The following PDE9A variants were observed in gnomAD, a reference collection of about 807,000 sequenced individuals.
PDE9A encodes high affinity cGMP-specific 3',5'-cyclic phosphodiesterase 9A.
A neutral mutation model predicts 87.4 loss-of-function variants in PDE9A; 60 were observed. The observed-to-expected ratio is 0.69, with a 90% CI of 0.56 to 0.85. PDE9A has a LOEUF of 0.85. Among genes scored for constraint, PDE9A ranks in the 40% least tolerant of loss-of-function variants. The pLI is 0.00. For synonymous variants in PDE9A, 272 were observed against 279.4 expected, an observed-to-expected ratio of 0.97 and a Z score of 0.27; for missense variants, 665 against 779.0, an observed-to-expected ratio of 0.85 and a Z score of 1.74.
At chr21:42,689,654 C>A (rs2059681155) in intron 3 of PDE9A, 10 of 985,454 alleles carry the variant, frequency 1.0e-5, no homozygotes, top group Non-Finnish European at 1.2e-5. Flanking sequence ...AGAAGCCCAC[C>A]TTGACCCTTC....
intron 1 of PDE9A, among the ~76,000 whole-genome samples, chr21:42,661,277 C>T (rs990442144): frequency 2.0e-5 from 3 of 152,068 alleles, no homozygotes; most frequent in Non-Finnish European, 4.4e-5. Context: ...GATCCGCCCG[C>T]CTCAGCCTCC....
chr21:42,672,799 C>G (rs141022344), intron 1 of PDE9A, among the ~76,000 whole-genome samples: 1 of 152,222 alleles, frequency 6.6e-6, no homozygotes, highest in Non-Finnish European at 1.5e-5. Flanking sequence ...ACTGTGGACA[C>G]AGTTGGATGT....
intron 3 of PDE9A, among the ~76,000 whole-genome samples, chr21:42,690,359 CGGATCTAGACAGCGATGTGGAAAT>C (rs961278818): frequency 1.1e-4 from 16 of 151,370 alleles, no homozygotes; most frequent in African/African-American, 1.9e-4. Flanking sequence ...GATGCGGAAA[CGGATCTAGACAGCGATGTGGAAAT>C]GGATCTAGAC....
intron 7 of PDE9A, among the ~76,000 whole-genome samples, chr21:42,735,490 G>A (rs1478979161): frequency 6.6e-6 from 1 of 152,212 alleles, no homozygotes; most frequent in African/African-American, 2.4e-5. Flanking sequence ...CAAGGCATGA[G>A]CATGACTGGC....
intron 3 of PDE9A, chr21:42,689,438 T>C: frequency 1.6e-6 from 1 of 643,212 alleles, no homozygotes; most frequent in Non-Finnish European, 1.9e-6. Flanking sequence ...CAGCACCAGC[T>C]CCAGCCTGGG....
intron 1 of PDE9A, among the ~76,000 whole-genome samples, chr21:42,678,391 G>T (rs1463344891): frequency 6.6e-6 from 1 of 152,180 alleles, no homozygotes; most frequent in Non-Finnish European, 1.5e-5. Flanking sequence ...TCTATCTGGA[G>T]CCCAAATAAA....
intron 9 of PDE9A, 124 bp from the exon 10 acceptor site, chr21:42,753,866 A>C: frequency 1.9e-6 from 1 of 536,100 alleles, no homozygotes; most frequent in Non-Finnish European, 3.3e-6. Context: ...TATCTCAAAA[A>C]AAAAAAAAAA....
In PDE9A at chr21:42,663,113, TCA is replaced by T. The variant is rs947687241; in HGVS notation, c.69+9237_69+9238del. On this transcript the variant is annotated intron_variant, in intron 1 of 19. Transcript: ENST00000291539. ...AGAATGCACACCACATACACGCACA[TCA>T]CACACATGCACACACCACACATGCA... Among the ~76,000 whole-genome samples the T allele has an allele frequency of 3.4e-4, 44 of 128,484 alleles. 2 individuals carry two copies. The East Asian group carries it at 3.4e-3, about 10-fold the overall frequency. The allele number at this position is 128,484 out of a possible 152,430, so 84.3% of individuals were successfully genotyped here. A position where few individuals can be genotyped will look rare whatever the true frequency, so the allele number is the denominator to read the frequency against.
chr21:42,733,209 G>C, intron 6 of PDE9A, 147 bp from the exon 7 acceptor site: 1 of 619,434 alleles, frequency 1.6e-6, no homozygotes, highest in Non-Finnish European at 2.9e-6. Context: ...GCAAGTCCTA[G>C]CATGTTGGCA....
chr21:42,744,539 G>A (rs1169601030), intron 8 of PDE9A, among the ~76,000 whole-genome samples: 1 of 152,142 alleles, frequency 6.6e-6, no homozygotes, highest in African/African-American at 2.4e-5. Flanking sequence ...TTGCCCCCAG[G>A]GACCCGGTTC....
At chr21:42,752,931 T>C (rs1261198040) in intron 9 of PDE9A, among the ~76,000 whole-genome samples, 1 of 152,238 alleles carries the variant, frequency 6.6e-6, no homozygotes. Flanking sequence ...GACAGGAGCA[T>C]CTCAGAATAA....
chr21:42,772,576 G>T (rs370246503), intron 19 of PDE9A, 56 bp downstream of exon 19: 37 of 1,219,482 alleles, frequency 3.0e-5, no homozygotes, highest in Non-Finnish European at 4.3e-5. Flanking sequence ...TCTGACAAAG[G>T]ACAGAAGGAA....
intron 4 of PDE9A, among the ~76,000 whole-genome samples, chr21:42,726,618 ATATATAT>A (rs2051106525): frequency 7.4e-4 from 17 of 23,046 alleles, no homozygotes; most frequent in Admixed American, 4.1e-3. Flanking sequence ...ATATATATAT[ATATATAT>A]TTTTTTTTTT....
At chr21:42,721,191 G>A (rs1260709171) in intron 4 of PDE9A, among the ~76,000 whole-genome samples, 1 of 152,144 alleles carries the variant, frequency 6.6e-6, no homozygotes, top group Non-Finnish European at 1.5e-5. Flanking sequence ...TAATCCTAAG[G>A]AAGAGAGGAG....
At chr21:42,680,175 G>A (rs1045276219) in intron 1 of PDE9A, among the ~76,000 whole-genome samples, 3 of 152,218 alleles carry the variant, frequency 2.0e-5, no homozygotes, top group African/African-American at 7.2e-5. Flanking sequence ...ACCTCTCAGG[G>A]TCCCAGTGTG....
chr21:42,762,117 C>T lies in PDE9A; in HGVS notation c.1120C>T (p.Arg374Cys), dbSNP rs377204997. The change falls in exon 14 of 20, where the codon CGC becomes TGC. Residue 374 changes from arginine (R) to cysteine (C), a missense_variant. By Grantham distance (180) the Arg-to-Cys change is radical. Coordinates refer to ENST00000291539, the MANE Select transcript of PDE9A (RefSeq NM_002606.3). ...CAATGCCCGCACAGAGCTGGCGGTC[C>T]GCTACAATGACATCTCACCGCTGGA... is the stretch of plus-strand genomic sequence containing the variant. ...QINARTELAV[R>C]YNDISPLENH... 79 of 1,613,966 alleles carry T rather than the reference C, an allele frequency of 4.9e-5. No individual in the cohort carries two copies. The highest frequency in any genetic ancestry group is 6.1e-5 in the Non-Finnish European group (72 of 1,179,978).
At chr21:42,669,606 G>A (rs959633348) in intron 1 of PDE9A, among the ~76,000 whole-genome samples, 1 of 152,156 alleles carries the variant, frequency 6.6e-6, no homozygotes, top group Non-Finnish European at 1.5e-5. Flanking sequence ...CCCACTTGGC[G>A]GTTCATCTGG....
Position 42,768,282 on chromosome 21 carries a change from AT to A in PDE9A, c.1455del (p.Phe485LeufsTer23). 6.3e-7 allele frequency: 1 copy of A among 1,582,248 alleles called. No homozygotes were observed. The highest frequency in any genetic ancestry group is 8.7e-7 in the Non-Finnish European group (1 of 1,150,958). ...TGGGTGGACTGTTTATTAGAGGAATATTTTATGCAGGTAAGAGTCTTGCAGA... is the reference window on the plus strand; with the variant it reads ...TGGGTGGACTGTTTATTAGAGGAATATTTATGCAGGTAAGAGTCTTGCAGA... ...EPWVDCLLEE[Y>X]FMQSDREKSE... On this transcript the variant is annotated frameshift_variant, in exon 16 of 20. Transcript: ENST00000291539. LOFTEE classifies it high-confidence loss of function.
chr21:42,679,055 G>C (rs1319136283), intron 1 of PDE9A, among the ~76,000 whole-genome samples: 1 of 152,236 alleles, frequency 6.6e-6, no homozygotes, highest in African/African-American at 2.4e-5. Flanking sequence ...TGAGCTGGGA[G>C]AGCTGGAGTC....
Sources: allele counts gnomAD v4.1 joint callset (sites outside exome capture counted in the v4.1 genomes callset), GRCh38; gene constraint gnomAD v4.1.1; transcripts MANE v1.5; gene names NCBI Gene and HGNC (gene_info 2026-07-23, HGNC 2026-07-21).